The following ACAP2 variants were observed in gnomAD, a reference collection of about 807,000 sequenced individuals.
ACAP2 encodes the protein arf-GAP with coiled-coil, ANK repeat and PH domain-containing protein 2.
ACAP2 carries 39 observed loss-of-function variants against 115.8 expected under a neutral mutation model. The observed-to-expected ratio is 0.34, with a 90% CI of 0.26 to 0.44. The LOEUF is 0.44. Among genes scored for constraint, ACAP2 ranks in the 20% least tolerant of loss-of-function variants. The pLI is 1.00. For missense variants in ACAP2, 662 were observed against 927.6 expected, an observed-to-expected ratio of 0.71 and a Z score of 3.72; for synonymous variants, 289 against 315.8, an observed-to-expected ratio of 0.92 and a Z score of 0.90.
intron 22 of ACAP2, chr3:195,280,727 A>G (rs1726445597): frequency 6.6e-6 from 1 of 152,220 alleles, no homozygotes; most frequent in South Asian, 2.1e-4. Context: ...ATATACACAC[A>G]CATACAGATC....
At chr3:195,385,233 C>G (rs901306214) in intron 2 of ACAP2, among the ~76,000 whole-genome samples, 9 of 148,366 alleles carry the variant, frequency 6.1e-5, no homozygotes, top group African/African-American at 2.2e-4. Flanking sequence ...GTCAACAACC[C>G]TATCTCTGTA....
At chr3:195,408,465 A>G (rs750805824) in intron 1 of ACAP2, among the ~76,000 whole-genome samples, 2 of 152,162 alleles carry the variant, frequency 1.3e-5, no homozygotes, top group Non-Finnish European at 2.9e-5. Flanking sequence ...TCCTGTCTCA[A>G]AAAAAGAAAA....
chr3:195,287,816 C>A (rs770114669), intron 21 of ACAP2, among the ~76,000 whole-genome samples: 1 of 152,022 alleles, frequency 6.6e-6, no homozygotes, highest in Non-Finnish European at 1.5e-5. Flanking sequence ...ATAAAGAAAC[C>A]ATTTTAGCCG....
intron 15 of ACAP2, among the ~76,000 whole-genome samples, chr3:195,299,326 T>A (rs906303799): frequency 6.6e-6 from 1 of 152,080 alleles, no homozygotes; most frequent in Admixed American, 6.5e-5. Flanking sequence ...TCCCAGCACT[T>A]TGGGAGGCCG....
chr3:195,279,968 G>GT (rs1553840019), intron 22 of ACAP2, among the ~76,000 whole-genome samples: 1 of 151,530 alleles, frequency 6.6e-6, no homozygotes, highest in Non-Finnish European at 1.5e-5. Flanking sequence ...ACTTTAATGC[G>GT]TAATTAAAAC....
At chr3:195,420,976 T>C (rs1197362151) in intron 1 of ACAP2, among the ~76,000 whole-genome samples, 1 of 152,160 alleles carries the variant, frequency 6.6e-6, no homozygotes, top group African/African-American at 2.4e-5. Flanking sequence ...ACTTGTTCTA[T>C]AGTGATAGAA....
chr3:195,307,423 T>C, intron 11 of ACAP2, 100 bp from the exon 12 acceptor site: 1 of 701,680 alleles, frequency 1.4e-6, no homozygotes, highest in Non-Finnish European at 2.4e-6. Context: ...CTGGTCTAAT[T>C]TTCAAGATTT....
intron 1 of ACAP2, among the ~76,000 whole-genome samples, chr3:195,425,157 A>G (rs1375217162): frequency 6.6e-6 from 1 of 151,968 alleles, no homozygotes; most frequent in Non-Finnish European, 1.5e-5. Flanking sequence ...TTGTGAAATT[A>G]AATATAACAT....
chr3:195,367,829 C>T (rs1221097502), intron 4 of ACAP2, among the ~76,000 whole-genome samples: 1 of 152,132 alleles, frequency 6.6e-6, no homozygotes, highest in African/African-American at 2.4e-5. Context: ...CCAGTCATTC[C>T]AGCCACTCCA....
chr3:195,343,294 A>C (rs1471066262), intron 5 of ACAP2, among the ~76,000 whole-genome samples: 1 of 152,262 alleles, frequency 6.6e-6, no homozygotes, highest in African/African-American at 2.4e-5. Flanking sequence ...GGTAGTATAC[A>C]TAAGAATCTC....
At position 195,342,657 on chromosome 3, in the gene ACAP2, A is replaced by T; in HGVS notation, c.345-3T>A. On this transcript the variant is annotated splice_region_variant and splice_polypyrimidine_tract_variant and intron_variant, in intron 5 of 22. Transcript: ENST00000326793. ...CATCTTTGAATTTTCTAAGATCTCT[A>T]AGAAAAGAAAAACTTAGTGAAACTT... 1 of 1,579,898 alleles carries T rather than the reference A, an allele frequency of 6.3e-7. No individual in the cohort carries two copies. Among genetic ancestry groups the T allele is most frequent in the Non-Finnish European group, 8.5e-7 (1 of 1,170,186 alleles).
chr3:195,337,745 C>A (rs1224631895), intron 6 of ACAP2, among the ~76,000 whole-genome samples: 1 of 152,220 alleles, frequency 6.6e-6, no homozygotes, highest in African/African-American at 2.4e-5. Context: ...CTGCGCCAGG[C>A]CCATCTTAAA....
intron 7 of ACAP2, chr3:195,335,958 T>C (rs1278030246): frequency 1.4e-5 from 2 of 138,474 alleles, no homozygotes; most frequent in Non-Finnish European, 3.0e-5. Context: ...TGGAGTACAA[T>C]GGCGCGATTT....
At chr3:195,406,355 T>C (rs920544241) in intron 1 of ACAP2, among the ~76,000 whole-genome samples, 2 of 152,224 alleles carry the variant, frequency 1.3e-5, no homozygotes, top group African/African-American at 4.8e-5. Flanking sequence ...TGGGCATTTA[T>C]TTATATTCTA....
intron 1 of ACAP2, among the ~76,000 whole-genome samples, chr3:195,438,203 T>C (rs1188599223): frequency 1.3e-5 from 2 of 151,612 alleles, no homozygotes; most frequent in African/African-American, 4.8e-5. Flanking sequence ...TTTTTTTGTA[T>C]TTTTAGTAGA....
At chr3:195,321,611 T>C (rs1729459895) in intron 9 of ACAP2, among the ~76,000 whole-genome samples, 1 of 89,640 alleles carries the variant, frequency 1.1e-5, no homozygotes, top group South Asian at 4.9e-4. Flanking sequence ...TGGTAGTTCC[T>C]TTTTTTTTTC....
intron 4 of ACAP2, among the ~76,000 whole-genome samples, chr3:195,372,691 T>C (rs755543727): frequency 2.0e-5 from 3 of 151,834 alleles, no homozygotes; most frequent in Non-Finnish European, 2.9e-5. Context: ...GTGGCACACC[T>C]GTAGTCCTAC....
At chr3:195,439,280 C>A (rs962052997) in intron 1 of ACAP2, among the ~76,000 whole-genome samples, 1 of 148,826 alleles carries the variant, frequency 6.7e-6, no homozygotes, top group African/African-American at 2.5e-5. Flanking sequence ...CTCACTGCAG[C>A]CTTGACCTCC....
rs1276985274 is a variant in ACAP2, at chr3:195,279,127, A to G, written c.*201T>C. 3 of 415,374 alleles carry G rather than the reference A, an allele frequency of 7.2e-6. No individual in the cohort carries two copies. The highest frequency in any genetic ancestry group is 4.2e-5 in the African/African-American group (2 of 48,014). The allele number at this position is 415,374 out of a possible 1,614,324, so 25.7% of individuals were successfully genotyped here. Reference sequence around the variant, plus strand: ...GCCCTTTAAATAGGCTTTTTTAATAAAAGAGGTCCTAAACTAGGTTCCTCT... The same window carrying G: ...GCCCTTTAAATAGGCTTTTTTAATAGAAGAGGTCCTAAACTAGGTTCCTCT... On this transcript the variant is annotated 3_prime_UTR_variant, in exon 23 of 23. Transcript: ENST00000326793.
Sources: allele counts gnomAD v4.1 joint callset (sites outside exome capture counted in the v4.1 genomes callset), GRCh38; gene constraint gnomAD v4.1.1; transcripts MANE v1.5; gene names NCBI Gene and HGNC (gene_info 2026-07-23, HGNC 2026-07-21).